PARP15: variants seen among roughly 807,000 people sequenced by gnomAD.
PARP15 encodes poly(ADP-ribose) polymerase family member 15.
In PARP15, 50 loss-of-function variants were observed where a neutral mutation model predicts 62.1. The ratio of observed to expected loss-of-function variants is 0.81; its 90% confidence interval spans 0.64 to 1.02. The LOEUF (loss-of-function observed/expected upper bound fraction) is 1.02, where lower values mean the gene tolerates loss of function less well. Ranked by LOEUF, PARP15 falls within the 50% of genes least tolerant of loss-of-function variation. The pLI, the probability that PARP15 is intolerant of heterozygous loss-of-function variation, is 0.00. For synonymous variants in PARP15, 309 were observed against 293.1 expected (o/e 1.05, Z -0.55); for missense variants, 820 against 826.5 (o/e 0.99, Z 0.10).
intron 10 of PARP15, among the ~76,000 whole-genome samples, chr3:122,633,357 G>A (rs986609089): frequency 6.6e-6 from 1 of 152,180 alleles, no homozygotes; most frequent in African/African-American, 2.4e-5. Flanking sequence ...CTGCAGGAAG[G>A]ACAGAATTTA....
rs187164022 is a variant in PARP15, at chr3:122,618,771, A to G, written c.1001-1010A>G. On this transcript the variant is annotated intron_variant, in intron 6 of 11. Transcript: ENST00000464300. ...TTAAGAGAACATCTGTGGACCAAAC[A>G]TCGAGTGCCCAGCCCCTCTCCTGCA... Among the ~76,000 whole-genome samples, 6 of 152,270 alleles carry G rather than the reference A, an allele frequency of 3.9e-5. No homozygotes were observed. In the East Asian group the frequency reaches 1.2e-3, roughly 29 times the overall value.
chr3:122,638,261 CGTGTGCAT>C lies in PARP15; in HGVS notation c.*2166_*2173del, dbSNP rs1313779158. On this transcript the variant is annotated 3_prime_UTR_variant, in exon 12 of 12. Transcript: ENST00000464300. ...TGTGAATAGTGCCGCAATAAACATACGTGTGCATGTGTCTTTACAGCAGCATGATTTAT... is the reference window on the plus strand; with the variant it reads ...TGTGAATAGTGCCGCAATAAACATACGTGTCTTTACAGCAGCATGATTTAT... The C allele has an allele frequency of 6.6e-6, 1 of 152,028 alleles. No individual in the cohort carries two copies. Among genetic ancestry groups the C allele is most frequent in the Non-Finnish European group, 1.5e-5 (1 of 68,030 alleles). The allele number at this position is 152,028 out of a possible 1,614,324, so 9.4% of individuals were successfully genotyped here. A position where few individuals can be genotyped will look rare whatever the true frequency, so the allele number is the denominator to read the frequency against.
rs1214163948 is a variant in PARP15 at position 122,610,867 on chromosome 3, T to C, written c.543+137T>C. 3.6e-5 allele frequency: 23 copies of C among 641,750 alleles called. 1 individual carries two copies. The South Asian group carries it at 5.3e-4, about 15-fold the overall frequency. The allele number at this position is 641,750 out of a possible 1,614,324, so 39.8% of individuals were successfully genotyped here. A position where few individuals can be genotyped will look rare whatever the true frequency, so the allele number is the denominator to read the frequency against. On this transcript the variant is annotated intron_variant, in intron 3 of 11. Transcript: ENST00000464300. ...GGTTGTTACAACTGCTGCTGGTATC[T>C]AGTGGGTAGAAGCGAGGGATGCTGG...
intron 1 of PARP15, among the ~76,000 whole-genome samples, chr3:122,600,680 A>G (rs1294874845): frequency 6.6e-6 from 1 of 152,150 alleles, no homozygotes. Context: ...TGAAGTAAGC[A>G]CATACCACAG....
At position 122,619,753 on chromosome 3, in the gene PARP15, C is replaced by G. The variant is rs372596557; in HGVS notation, c.1001-28C>G. 77 of 1,555,116 alleles carry G rather than the reference C, an allele frequency of 5.0e-5. No homozygotes were observed. In the African/African-American group the frequency reaches 9.0e-4, roughly 18 times the overall value. On this transcript the variant is annotated intron_variant, in intron 6 of 11. Transcript: ENST00000464300. Reference sequence around the variant, plus strand: ...ACCACTTATTGAATTCTAACTGATGCCTTTTACCATTAACATGTCTTATTT... The same window carrying G: ...ACCACTTATTGAATTCTAACTGATGGCTTTTACCATTAACATGTCTTATTT...
intron 1 of PARP15, among the ~76,000 whole-genome samples, chr3:122,590,287 T>C (rs1304870169): frequency 6.6e-6 from 1 of 151,972 alleles, no homozygotes; most frequent in African/African-American, 2.4e-5. Flanking sequence ...AATATATATA[T>C]TTTGAGATGG....
At chr3:122,628,086 C>T (rs754222529) in intron 9 of PARP15, among the ~76,000 whole-genome samples, 26 of 152,120 alleles carry the variant, frequency 1.7e-4, no homozygotes, top group Non-Finnish European at 3.1e-4. Flanking sequence ...TGTCTTTTTC[C>T]TCAAGCTTCA....
intron 6 of PARP15, 58 bp from the exon 7 acceptor site, chr3:122,619,723 C>A: frequency 7.0e-7 from 1 of 1,424,402 alleles, no homozygotes; most frequent in Non-Finnish European, 9.9e-7. Context: ...TGTACAAAAA[C>A]TATAACCACT....
chr3:122,589,386 C>T (rs1933694458), intron 1 of PARP15, among the ~76,000 whole-genome samples: 2 of 152,184 alleles, frequency 1.3e-5, no homozygotes, highest in African/African-American at 4.8e-5. Flanking sequence ...ACATTCAGTC[C>T]ATAGTATTTT....
chr3:122,625,311 T>C (rs1239043619), intron 8 of PARP15, among the ~76,000 whole-genome samples: 1 of 152,176 alleles, frequency 6.6e-6, no homozygotes, highest in Non-Finnish European at 1.5e-5. Context: ...TGGAGTTCAG[T>C]GGCACGATCT....
intron 1 of PARP15, among the ~76,000 whole-genome samples, chr3:122,596,800 G>T (rs13072646): frequency 1.3e-5 from 2 of 152,128 alleles, no homozygotes. Context: ...AGGAAGAAGT[G>T]GTGAAGCCAA....
intron 8 of PARP15, among the ~76,000 whole-genome samples, chr3:122,621,963 A>G (rs7621931): frequency 0.19 from 29,038 of 152,004 alleles, 4,274 homozygotes; most frequent in African/African-American, 0.42. Flanking sequence ...CATGCCTGGC[A>G]AATATTTGTA....
chr3:122,623,706 T>C (rs567811848), intron 8 of PARP15, among the ~76,000 whole-genome samples: 2 of 152,352 alleles, frequency 1.3e-5, no homozygotes, highest in African/African-American at 4.8e-5. Flanking sequence ...CAGATCTTTA[T>C]GTCTTCTCTG....
intron 10 of PARP15, among the ~76,000 whole-genome samples, chr3:122,634,754 G>A (rs968580116): frequency 2.6e-5 from 4 of 152,274 alleles, no homozygotes; most frequent in South Asian, 2.1e-4. Flanking sequence ...GATATAAACC[G>A]CAAATTATGT....
At chr3:122,633,294 T>C (rs1422356225) in intron 10 of PARP15, among the ~76,000 whole-genome samples, 1 of 152,198 alleles carries the variant, frequency 6.6e-6, no homozygotes, top group African/African-American at 2.4e-5. Context: ...GTAAACTTGA[T>C]TGAATGAATG....
intron 5 of PARP15, 56 bp from the exon 6 acceptor site, chr3:122,616,959 G>A: frequency 6.3e-7 from 1 of 1,583,716 alleles, no homozygotes; most frequent in Non-Finnish European, 8.6e-7. Context: ...CAAGATGAGT[G>A]CTGTTCCTCC....
intron 9 of PARP15, among the ~76,000 whole-genome samples, chr3:122,630,867 G>T (rs913426032): frequency 6.6e-6 from 1 of 152,032 alleles, no homozygotes; most frequent in African/African-American, 2.4e-5. Context: ...AGAGCTCATG[G>T]GATCTATCTT....
Position 122,588,085 on chromosome 3 carries a change from G to A in PARP15, c.186+10232G>A, listed in dbSNP as rs375767180. On this transcript the variant is annotated intron_variant, in intron 1 of 11. Coordinates refer to ENST00000464300, the MANE Select transcript of PARP15 (RefSeq NM_001113523.3). ...TGCATTTTAAAGTATAGCAAGCCAA[G>A]TTCCTAATCATTTCCTTTGGTATTA... is the stretch of plus-strand genomic sequence containing the variant. Among the ~76,000 whole-genome samples, 3 of 152,212 alleles carry A rather than the reference G, an allele frequency of 2.0e-5. No homozygotes were observed. The East Asian group carries it at 5.8e-4, about 29-fold the overall frequency.
intron 3 of PARP15, among the ~76,000 whole-genome samples, chr3:122,612,367 T>C (rs1398381302): frequency 6.7e-6 from 1 of 149,780 alleles, no homozygotes; most frequent in Non-Finnish European, 1.5e-5. Flanking sequence ...ATATTCTCTC[T>C]CTTTTTTTTT....
Sources: gnomAD v4.1 joint callset for allele counts (sites outside exome capture counted in the v4.1 genomes callset) on GRCh38, gnomAD v4.1.1 for gene constraint, MANE v1.5 for transcripts, NCBI Gene and HGNC (gene_info 2026-07-23, HGNC 2026-07-21) for gene names.